IGSF21: variants seen among roughly 807,000 people sequenced by gnomAD.
IGSF21 encodes the protein immunoglobin superfamily member 21, also known as immunoglobulin superfamily member 21.
Under a neutral mutation model 46.8 loss-of-function variants are expected in IGSF21, and 28 were observed. The ratio of observed to expected loss-of-function variants is 0.60; its 90% confidence interval spans 0.44 to 0.82. IGSF21 has a LOEUF of 0.82. Ranked by LOEUF, IGSF21 falls within the 40% of genes least tolerant of loss-of-function variation. The pLI is 0.00. For missense variants in IGSF21, 624 were observed against 665.5 expected, an observed-to-expected ratio of 0.94 and a Z score of 0.69; for synonymous variants, 284 against 273.6, an observed-to-expected ratio of 1.04 and a Z score of -0.38.
At chr1:18,114,561 A>G (rs1031147227) in intron 1 of IGSF21, 7 of 152,238 alleles carry the variant, frequency 4.6e-5, no homozygotes, top group African/African-American at 1.7e-4. Context: ...CTGGAACTAC[A>G]TTCTTTCTTT....
At chr1:18,143,301 C>G (rs2086435305) in intron 1 of IGSF21, among the ~76,000 whole-genome samples, 1 of 152,172 alleles carries the variant, frequency 6.6e-6, no homozygotes, top group Non-Finnish European at 1.5e-5. Flanking sequence ...CTCGGCTGTC[C>G]CCTTTCAGGC....
chr1:18,235,621 G>A (rs762822869), intron 2 of IGSF21, among the ~76,000 whole-genome samples: 1 of 152,194 alleles, frequency 6.6e-6, no homozygotes, highest in African/African-American at 2.4e-5. Context: ...GAAAGTGCAT[G>A]TGGCTGGAAC....
At chr1:18,165,980 C>G (rs1202177764) in intron 1 of IGSF21, among the ~76,000 whole-genome samples, 2 of 152,214 alleles carry the variant, frequency 1.3e-5, no homozygotes, top group African/African-American at 4.8e-5. Flanking sequence ...AAACCAGACA[C>G]AGCAGTAAGG....
In IGSF21 at chr1:18,277,387, G is replaced by A. The variant is rs78722503; in HGVS notation, c.184-14479G>A. 1.7e-4 allele frequency among the ~76,000 whole-genome samples: 26 copies of A among 152,254 alleles called. No individual in the cohort carries two copies. The East Asian group carries it at 4.3e-3, about 25-fold the overall frequency. ...GTACACTCTGATGCTCTGTGCCTGCGTGGGGCCTTCAGAGGCCAAACTCCC... is the reference window on the plus strand; with the variant it reads ...GTACACTCTGATGCTCTGTGCCTGCATGGGGCCTTCAGAGGCCAAACTCCC... On this transcript the variant is annotated intron_variant, in intron 2 of 9. Transcript: ENST00000251296.
chr1:18,122,503 C>G (rs1406556132), intron 1 of IGSF21, among the ~76,000 whole-genome samples: 2 of 151,724 alleles, frequency 1.3e-5, no homozygotes, highest in Non-Finnish European at 2.9e-5. Context: ...CCCAACTGTA[C>G]TATTTTTTAC....
At chr1:18,189,708 C>T (rs1346391050) in intron 1 of IGSF21, among the ~76,000 whole-genome samples, 2 of 152,052 alleles carry the variant, frequency 1.3e-5, no homozygotes, top group South Asian at 2.1e-4. Context: ...CTATGAGAAT[C>T]GAATGCCGCT....
chr1:18,194,787 G>A (rs1019943108), intron 1 of IGSF21, among the ~76,000 whole-genome samples: 3 of 152,150 alleles, frequency 2.0e-5, no homozygotes, highest in Non-Finnish European at 2.9e-5. Flanking sequence ...CTCTTTTGAC[G>A]GAGTGATAAT....
At chr1:18,332,738 A>C (rs1413141912) in intron 3 of IGSF21, among the ~76,000 whole-genome samples, 1 of 152,162 alleles carries the variant, frequency 6.6e-6, no homozygotes, top group Non-Finnish European at 1.5e-5. Context: ...CCATTCTTTA[A>C]GTCCTTCCAT....
intron 6 of IGSF21, among the ~76,000 whole-genome samples, chr1:18,367,420 C>A (rs1019462572): frequency 2.0e-5 from 3 of 151,994 alleles, no homozygotes; most frequent in African/African-American, 7.2e-5. Context: ...GAGTACTTTG[C>A]CAAGTCGTTA....
Position 18,242,909 on chromosome 1 carries a change from G to A in IGSF21, c.183+14899G>A, listed in dbSNP as rs146067941. 4.1e-4 allele frequency among the ~76,000 whole-genome samples: 63 copies of A among 152,312 alleles called. No homozygotes were observed. In the South Asian group the frequency reaches 0.011, roughly 27 times the overall value. The stretch of plus-strand genomic sequence containing the variant: ...GGGGGGGACAGGTGTCATGTGACCC[G>A]CACCCTTGTCTGGAGCTATTCAAGA... On this transcript the variant is annotated intron_variant, in intron 2 of 9. Coordinates refer to ENST00000251296, the MANE Select transcript of IGSF21 (RefSeq NM_032880.5).
intron 1 of IGSF21, among the ~76,000 whole-genome samples, chr1:18,127,290 G>C (rs1209514887): frequency 6.6e-6 from 1 of 152,210 alleles, no homozygotes; most frequent in Non-Finnish European, 1.5e-5. Flanking sequence ...TATGTGAGGG[G>C]AGTACAGCAG....
chr1:18,157,424 G>C (rs9659675), intron 1 of IGSF21, among the ~76,000 whole-genome samples: 45 of 152,230 alleles, frequency 3.0e-4, no homozygotes, highest in African/African-American at 9.4e-4. Flanking sequence ...TCAAGGTCTC[G>C]GTCATAGCCA....
chr1:18,147,126 T>C (rs1340974220), intron 1 of IGSF21, among the ~76,000 whole-genome samples: 2 of 152,214 alleles, frequency 1.3e-5, no homozygotes, highest in Non-Finnish European at 2.9e-5. Context: ...CCTGCTGGTC[T>C]TGCGGCTGCC....
intron 2 of IGSF21, among the ~76,000 whole-genome samples, chr1:18,260,797 C>G (rs969954412): frequency 1.3e-5 from 2 of 152,176 alleles, no homozygotes; most frequent in Non-Finnish European, 2.9e-5. Flanking sequence ...TTTGGTCCAG[C>G]GTCCGAGCCC....
chr1:18,262,525 G>T (rs1046164941), intron 2 of IGSF21, among the ~76,000 whole-genome samples: 1 of 152,172 alleles, frequency 6.6e-6, no homozygotes, highest in Non-Finnish European at 1.5e-5. Context: ...TGTCATTATG[G>T]AGATGTAATG....
chr1:18,362,087 T>C, intron 4 of IGSF21, 28 bp from the exon 5 acceptor site: 2 of 1,498,552 alleles, frequency 1.3e-6, no homozygotes, highest in Non-Finnish European at 1.8e-6. Context: ...GTTGAGCCCT[T>C]GTCTTCCTGT....
intron 1 of IGSF21, among the ~76,000 whole-genome samples, chr1:18,172,174 T>C (rs2086743391): frequency 6.6e-6 from 1 of 152,228 alleles, no homozygotes; most frequent in Non-Finnish European, 1.5e-5. Context: ...AGACTTCTTA[T>C]GTGAGAGAAT....
chr1:18,273,503 TC>T (rs2085070707), intron 2 of IGSF21, among the ~76,000 whole-genome samples: 1 of 89,542 alleles, frequency 1.1e-5, no homozygotes, highest in African/African-American at 4.2e-5. Context: ...TTTCTTTCTT[TC>T]TTTCTTTCTT....
At chr1:18,271,638 G>A (rs980418897) in intron 2 of IGSF21, among the ~76,000 whole-genome samples, 1 of 152,316 alleles carries the variant, frequency 6.6e-6, no homozygotes, top group South Asian at 2.1e-4. Context: ...GCACCCCAGG[G>A]AGGCAGGAAA....
Sources: gnomAD v4.1 joint callset for allele counts (sites outside exome capture counted in the v4.1 genomes callset) on GRCh38, gnomAD v4.1.1 for gene constraint, MANE v1.5 for transcripts, NCBI Gene and HGNC (gene_info 2026-07-23, HGNC 2026-07-21) for gene names.